Variants in TMEM115 observed in about 807,000 individuals in gnomAD.
TMEM115 encodes the protein PP6.
Under a neutral mutation model 20.1 loss-of-function variants are expected in TMEM115, and 8 were observed. The observed-to-expected ratio is 0.40, with a 90% CI of 0.23 to 0.72. The LOEUF (loss-of-function observed/expected upper bound fraction) is 0.72. Among genes scored for constraint, TMEM115 ranks in the 30% least tolerant of loss-of-function variants. TMEM115 has a pLI of 0.39. For missense variants in TMEM115, 374 were observed against 455.1 expected (o/e 0.82, Z 1.62); for synonymous variants, 229 against 206.2 (o/e 1.11, Z -0.95).
chr3:50,358,101 C>CCAAT (rs1703904650), intron 1 of TMEM115, 112 bp downstream of exon 1: 2 of 1,432,780 alleles, frequency 1.4e-6, no homozygotes, highest in African/African-American at 2.8e-5. Context: ...CGGATGTGCC[C>CCAAT]CAATACCTGA....
chr3:50,357,491 G>C (rs912599632), intron 1 of TMEM115, among the ~76,000 whole-genome samples: 11 of 152,226 alleles, frequency 7.2e-5, no homozygotes, highest in African/African-American at 1.2e-4. Context: ...ACAGATCTGG[G>C]AGAGAGAGTA....
chr3:50,357,853 T>C (rs1452086617), intron 1 of TMEM115, among the ~76,000 whole-genome samples: 1 of 152,188 alleles, frequency 6.6e-6, no homozygotes, highest in Non-Finnish European at 1.5e-5. Context: ...CCCTGTCCCT[T>C]CCTCACAGGG....
At position 50,358,780 on chromosome 3, in the gene TMEM115, G is replaced by GC; in HGVS notation, c.283dup (p.Ala95GlyfsTer118). 1 of 1,613,250 alleles carries GC rather than the reference G, an allele frequency of 6.2e-7. No homozygotes were observed. The stretch of plus-strand genomic sequence containing the variant: ...TGAGAAGAAGATGAGCAGCTCCAAG[G>GC]CCCCCCAGAGGGGCTCCAGCAAACG... On this transcript the variant is annotated frameshift_variant, in exon 1 of 2. Transcript: ENST00000266025. LOFTEE classifies it high-confidence loss of function.
Position 50,359,150 on chromosome 3 carries a change from G to A in TMEM115, c.-87C>T. 1 of 1,413,600 alleles carries A rather than the reference G, an allele frequency of 7.1e-7. No individual in the cohort carries two copies. Among genetic ancestry groups the A allele is most frequent in the South Asian group, 1.5e-5 (1 of 67,708 alleles). 87.6% of individuals were successfully genotyped at this position (1,413,600 alleles called of 1,614,324 possible). A position where few individuals can be genotyped will look rare whatever the true frequency, so the allele number is the denominator to read the frequency against. ...CGTCCTAGTCCGGCCCCGATGGGAG[G>A]CCCAGGCCCGGCCTAGTCACTGGCC... On this transcript the variant is annotated 5_prime_UTR_variant, in exon 1 of 2. Transcript: ENST00000266025.
rs1030345941 is a variant in TMEM115, at chr3:50,359,409, G to T, written c.-346C>A. The T allele has an allele frequency of 7.6e-6, 2 of 263,436 alleles. No individual in the cohort carries two copies. The highest frequency in any genetic ancestry group is 1.5e-5 in the Non-Finnish European group (2 of 136,782). 16.3% of individuals were successfully genotyped at this position (263,436 alleles called of 1,614,324 possible). A position where few individuals can be genotyped will look rare whatever the true frequency, so the allele number is the denominator to read the frequency against. Reference sequence around the variant, plus strand: ...CATCCACTGCGAGGCCCTTCGGTTCGCAAGGGGACTGGTGCCTCGTTCTGT... The same window carrying T: ...CATCCACTGCGAGGCCCTTCGGTTCTCAAGGGGACTGGTGCCTCGTTCTGT... On this transcript the variant is annotated 5_prime_UTR_variant, in exon 1 of 2. Coordinates refer to ENST00000266025, the MANE Select transcript of TMEM115 (RefSeq NM_007024.5).
At chr3:50,356,642 C>A (rs1325991588) in intron 1 of TMEM115, among the ~76,000 whole-genome samples, 1 of 152,210 alleles carries the variant, frequency 6.6e-6, no homozygotes, top group East Asian at 1.9e-4. Context: ...GATGCCCTTG[C>A]CAGTTCCATC....
rs920309566 is a variant in TMEM115, at chr3:50,356,685, G to A, written c.852-1138C>T. ...TGCCAAGGCAGAGAGCTAGTGTTAC[G>A]CTAGTCACTTCCTCACAAGGACCAG... On this transcript the variant is annotated intron_variant, in intron 1 of 1. Transcript: ENST00000266025. Among the ~76,000 whole-genome samples the A allele has an allele frequency of 4.6e-5, 7 of 152,200 alleles. No homozygotes were observed. The East Asian group carries it at 1.3e-3, about 29-fold the overall frequency.
intron 1 of TMEM115, among the ~76,000 whole-genome samples, chr3:50,355,983 C>T (rs1703863300): frequency 6.6e-6 from 1 of 152,220 alleles, no homozygotes; most frequent in Non-Finnish European, 1.5e-5. Flanking sequence ...AATTCTCCCC[C>T]TCTCCTGGTT....
chr3:50,359,078 T>G lies in TMEM115; in HGVS notation c.-15A>C, dbSNP rs1170866075. The G allele has an allele frequency of 7.8e-6, 12 of 1,540,896 alleles. No homozygotes were observed. Among genetic ancestry groups the G allele is most frequent in the South Asian group, 2.4e-5 (2 of 83,790 alleles). On this transcript the variant is annotated 5_prime_UTR_variant, in exon 1 of 2. Coordinates refer to ENST00000266025, the MANE Select transcript of TMEM115 (RefSeq NM_007024.5). ...GCACGTTGCATCTTCCTGGCGGCTG[T>G]CGGCCTGAGAAAAGGGTCTGGTAGG...
rs587714651 is a variant in TMEM115, at chr3:50,355,350, G to T, written c.1049C>A (p.Thr350Lys). The change falls in exon 2 of 2, where the codon ACG (threonine) becomes AAG (lysine). Residue 350 changes from threonine to lysine, a missense_variant. By Grantham distance (78) the Thr-to-Lys change is moderately conservative. Coordinates refer to ENST00000266025, the MANE Select transcript of TMEM115 (RefSeq NM_007024.5). ...SLITFEAAPP[T>K]L ...ACTCAAGGTGGTCTGGAGTTACAGC[G>T]TCGGGGGAGCTGCCTCGAAGGTGAT... 7 of 1,493,320 alleles carry T rather than the reference G, an allele frequency of 4.7e-6. No homozygotes were observed. The highest frequency in any genetic ancestry group is 2.2e-5 in the Admixed American group (1 of 44,884). 92.5% of individuals were successfully genotyped at this position (1,493,320 alleles called of 1,614,324 possible). A position where few individuals can be genotyped will look rare whatever the true frequency, so the allele number is the denominator to read the frequency against.
Position 50,359,430 on chromosome 3 carries a change from T to C in TMEM115, c.-367A>G. 4.4e-6 allele frequency: 1 copy of C among 228,148 alleles called. No homozygotes were observed. The highest frequency in any genetic ancestry group is 8.7e-6 in the Non-Finnish European group (1 of 114,302). 14.1% of individuals were successfully genotyped at this position (228,148 alleles called of 1,614,324 possible). A position where few individuals can be genotyped will look rare whatever the true frequency, so the allele number is the denominator to read the frequency against. ...GTTCGCAAGGGGACTGGTGCCTCGT[T>C]CTGTACCCGAGTCAAGCCTGGTCAG... On this transcript the variant is annotated 5_prime_UTR_variant, in exon 1 of 2. Coordinates refer to ENST00000266025, the MANE Select transcript of TMEM115 (RefSeq NM_007024.5).
intron 1 of TMEM115, among the ~76,000 whole-genome samples, chr3:50,356,914 T>C (rs932370380): frequency 6.6e-6 from 1 of 152,210 alleles, no homozygotes; most frequent in African/African-American, 2.4e-5. Context: ...TTCTTGGGCC[T>C]AGGCAGAGGT....
At chr3:50,356,045 A>G (rs1258974109) in intron 1 of TMEM115, among the ~76,000 whole-genome samples, 1 of 152,158 alleles carries the variant, frequency 6.6e-6, no homozygotes, top group Non-Finnish European at 1.5e-5. Context: ...CTGGAATTCA[A>G]CACCTCCCTT....
In TMEM115 at chr3:50,359,209, G is replaced by T. The variant is rs1411303199; in HGVS notation, c.-146C>A. 3 of 1,297,870 alleles carry T rather than the reference G, an allele frequency of 2.3e-6. No homozygotes were observed. Among genetic ancestry groups the T allele is most frequent in the Non-Finnish European group, 3.1e-6 (3 of 975,248 alleles). 80.4% of individuals were successfully genotyped at this position (1,297,870 alleles called of 1,614,324 possible). Reference sequence around the variant, plus strand: ...TGGTAAAGGATCCGCTTCCGATCGGGTGGGGCTCTGGTCCCGAGGGGCCGA... The same window carrying T: ...TGGTAAAGGATCCGCTTCCGATCGGTTGGGGCTCTGGTCCCGAGGGGCCGA... On this transcript the variant is annotated 5_prime_UTR_variant, in exon 1 of 2. Transcript: ENST00000266025.
At position 50,359,179 on chromosome 3, in the gene TMEM115, G is replaced by A. The variant is rs1407533544; in HGVS notation, c.-116C>T. On this transcript the variant is annotated 5_prime_UTR_variant, in exon 1 of 2. Coordinates refer to ENST00000266025, the MANE Select transcript of TMEM115 (RefSeq NM_007024.5). ...AGGCCCGGCCTAGTCACTGGCCTATGGCCCTGGTAAAGGATCCGCTTCCGA... is the reference window on the plus strand; with the variant it reads ...AGGCCCGGCCTAGTCACTGGCCTATAGCCCTGGTAAAGGATCCGCTTCCGA... 5.7e-6 allele frequency: 8 copies of A among 1,410,010 alleles called. No individual in the cohort carries two copies. Among genetic ancestry groups the A allele is most frequent in the Non-Finnish European group, 7.5e-6 (8 of 1,072,046 alleles). 87.3% of individuals were successfully genotyped at this position (1,410,010 alleles called of 1,614,324 possible). A position where few individuals can be genotyped will look rare whatever the true frequency, so the allele number is the denominator to read the frequency against.
chr3:50,354,955 T>G lies in TMEM115; in HGVS notation c.*388A>C, dbSNP rs1379034758. ...GCCCCAGGTCGGCTCCTGCATTTGC[T>G]GGGCCCCCAGAACATTTTTGGCAAA... On this transcript the variant is annotated 3_prime_UTR_variant, in exon 2 of 2. Coordinates refer to ENST00000266025, the MANE Select transcript of TMEM115 (RefSeq NM_007024.5). The G allele has an allele frequency of 5.7e-6, 1 of 175,066 alleles. No individual in the cohort carries two copies. The highest frequency in any genetic ancestry group is 1.2e-5 in the Non-Finnish European group (1 of 83,568). 10.8% of individuals were successfully genotyped at this position (175,066 alleles called of 1,614,324 possible). A position where few individuals can be genotyped will look rare whatever the true frequency, so the allele number is the denominator to read the frequency against.
chr3:50,355,364 C>G lies in TMEM115; in HGVS notation c.1035G>C (p.Glu345Asp), dbSNP rs761209353. 1 of 1,510,118 alleles carries G rather than the reference C, an allele frequency of 6.6e-7. No individual in the cohort carries two copies. Among genetic ancestry groups the G allele is most frequent in the South Asian group, 1.3e-5 (1 of 75,778 alleles). The allele number at this position is 1,510,118 out of a possible 1,614,324, so 93.5% of individuals were successfully genotyped here. ...AAPESSLITF[E>D]AAPPTL Reference sequence around the variant, plus strand: ...GGAGTTACAGCGTCGGGGGAGCTGCCTCGAAGGTGATTAGACTGGATTCTG... The same window carrying G: ...GGAGTTACAGCGTCGGGGGAGCTGCGTCGAAGGTGATTAGACTGGATTCTG... The change falls in exon 2 of 2, where the codon GAG becomes GAC. Residue 345 changes from glutamate to aspartate, a missense_variant. Coordinates refer to ENST00000266025, the MANE Select transcript of TMEM115 (RefSeq NM_007024.5).
intron 1 of TMEM115, among the ~76,000 whole-genome samples, chr3:50,357,691 G>A (rs1388213004): frequency 6.6e-6 from 1 of 152,222 alleles, no homozygotes; most frequent in Non-Finnish European, 1.5e-5. Flanking sequence ...ATGCTTGCTG[G>A]AGACAGAGGT....
At position 50,355,018 on chromosome 3, in the gene TMEM115, A is replaced by T; in HGVS notation, c.*325T>A. 7.7e-6 allele frequency: 2 copies of T among 258,688 alleles called. No individual in the cohort carries two copies. Among genetic ancestry groups the T allele is most frequent in the East Asian group, 7.0e-5 (1 of 14,290 alleles). The allele number at this position is 258,688 out of a possible 1,614,324, so 16.0% of individuals were successfully genotyped here. Reference sequence around the variant, plus strand: ...CTCAGGGCTCTCGGCAACCAGTTTCAGATGTGAGGGCCGGCCCAGGAGCTG... The same window carrying T: ...CTCAGGGCTCTCGGCAACCAGTTTCTGATGTGAGGGCCGGCCCAGGAGCTG... On this transcript the variant is annotated 3_prime_UTR_variant, in exon 2 of 2. Transcript: ENST00000266025.
Sources: gnomAD v4.1 joint callset for allele counts (sites outside exome capture counted in the v4.1 genomes callset) on GRCh38, gnomAD v4.1.1 for gene constraint, MANE v1.5 for transcripts, NCBI Gene and HGNC (gene_info 2026-07-23, HGNC 2026-07-21) for gene names.